VRK2: variants seen among roughly 807,000 people sequenced by gnomAD.
VRK2 encodes the protein VRK serine/threonine kinase 2.
In VRK2, 60 loss-of-function variants were observed where a neutral mutation model predicts 57.6. The ratio of observed to expected loss-of-function variants is 1.04; its 90% CI spans 0.85 to 1.29. The LOEUF (loss-of-function observed/expected upper bound fraction) is 1.29. Ranked by LOEUF, VRK2 falls within the 50% of genes most tolerant of loss-of-function variation. VRK2 has a pLI of 0.00. For synonymous variants in VRK2, 231 were observed against 199.2 expected (o/e 1.16, Z -1.35); for missense variants, 705 against 588.1 (o/e 1.20, Z -2.06).
At position 58,057,873 on chromosome 2, in the gene VRK2, C is replaced by A. The variant is rs149451116; in HGVS notation, c.136+8906C>A. Among the ~76,000 whole-genome samples the A allele has an allele frequency of 6.1e-4, 93 of 151,928 alleles. 1 individual carries two copies. The East Asian group carries it at 0.017, about 28-fold the overall frequency. ...TTTTTTTGTATCAGGCAGACAATGT[C>A]TTCAAAGAGACAGCAGTGCTGCAAA... On this transcript the variant is annotated intron_variant, in intron 2 of 12. Transcript: ENST00000340157.
intron 1 of VRK2, among the ~76,000 whole-genome samples, chr2:57,999,019 G>A (rs944299704): frequency 3.0e-4 from 45 of 151,300 alleles, no homozygotes; most frequent in Non-Finnish European, 2.5e-4. Flanking sequence ...TAATAAATAT[G>A]AAAAAATTTA....
chr2:57,994,461 A>G (rs979045530), intron 1 of VRK2, among the ~76,000 whole-genome samples: 2 of 152,222 alleles, frequency 1.3e-5, no homozygotes, highest in Non-Finnish European at 2.9e-5. Flanking sequence ...ACACAGTTCA[A>G]AGGAATAAAA....
At chr2:58,118,438 G>A (rs1175221716) in intron 7 of VRK2, among the ~76,000 whole-genome samples, 1 of 152,182 alleles carries the variant, frequency 6.6e-6, no homozygotes, top group East Asian at 1.9e-4. Flanking sequence ...GAAAATGAAA[G>A]GAATTGAAAT....
chr2:58,095,316 T>C (rs1054021884), intron 7 of VRK2, among the ~76,000 whole-genome samples: 2 of 149,146 alleles, frequency 1.3e-5, no homozygotes, highest in African/African-American at 5.1e-5. Context: ...AAAAAAATAC[T>C]TGTTGGCATT....
chr2:58,117,386 G>A (rs892377567), intron 7 of VRK2, among the ~76,000 whole-genome samples: 3 of 152,144 alleles, frequency 2.0e-5, no homozygotes, highest in African/African-American at 7.2e-5. Context: ...GTGAGGAGGG[G>A]AGGCGATAAA....
chr2:58,049,992 A>C (rs182517371), intron 2 of VRK2, among the ~76,000 whole-genome samples: 77 of 152,346 alleles, frequency 5.1e-4, no homozygotes, highest in African/African-American at 1.7e-3. Context: ...TGTATGAGTC[A>C]AGTAAAGGAC....
At chr2:58,006,384 T>C (rs558316861) in intron 1 of VRK2, among the ~76,000 whole-genome samples, 1 of 152,156 alleles carries the variant, frequency 6.6e-6, no homozygotes, top group Non-Finnish European at 1.5e-5. Context: ...TTGGTTTGAC[T>C]TAGTGGAAAG....
At chr2:57,958,571 AAAT>A (rs1485950851) in intron 1 of VRK2, among the ~76,000 whole-genome samples, 8 of 151,932 alleles carry the variant, frequency 5.3e-5, no homozygotes, top group Admixed American at 2.0e-4. Flanking sequence ...CTATTATTAA[AAAT>A]AATAACCGAT....
At chr2:57,929,225 C>T (rs1670639788) in intron 1 of VRK2, among the ~76,000 whole-genome samples, 1 of 152,202 alleles carries the variant, frequency 6.6e-6, no homozygotes, top group African/African-American at 2.4e-5. Context: ...CAGGAATATA[C>T]CTGGTGCCTT....
chr2:57,995,551 T>C (rs187998147), intron 1 of VRK2, among the ~76,000 whole-genome samples: 247 of 152,332 alleles, frequency 1.6e-3, no homozygotes, highest in Admixed American at 2.9e-3. Flanking sequence ...CAGTCATTCT[T>C]TCAAATAAAA....
rs1030296171 is a variant in VRK2 at position 58,046,873 on chromosome 2, G to T, written c.-6+5G>T. On this transcript the variant is annotated splice_donor_5th_base_variant and intron_variant, in intron 1 of 12. Transcript: ENST00000340157. ...GACGGGGGATCCTGAGGCCCGGTCA[G>T]TCTCTTGCTCTGGGGTCTTGGGTGG... The T allele has an allele frequency of 3.0e-6, 3 of 985,332 alleles. No homozygotes were observed. The highest frequency in any genetic ancestry group is 3.5e-5 in the African/African-American group (2 of 57,238). The allele number at this position is 985,332 out of a possible 1,614,324, so 61.0% of individuals were successfully genotyped here.
At chr2:57,922,489 A>G (rs1347327723) in intron 1 of VRK2, among the ~76,000 whole-genome samples, 12 of 116,878 alleles carry the variant, frequency 1.0e-4, no homozygotes, top group South Asian at 2.7e-4. Flanking sequence ...TGTGTGTGTG[A>G]TGAGAATATT....
chr2:58,051,412 T>C (rs1401090852), intron 2 of VRK2, among the ~76,000 whole-genome samples: 2 of 152,234 alleles, frequency 1.3e-5, no homozygotes, highest in East Asian at 1.9e-4. Flanking sequence ...TAATGAATCA[T>C]AGAATCAGTT....
rs143469526 is a variant in VRK2 at position 57,984,349 on chromosome 2, A to C, written c.-438-41316A>C. Among the ~76,000 whole-genome samples the C allele has an allele frequency of 3.5e-4, 53 of 152,200 alleles. No homozygotes were observed. The East Asian group carries it at 5.6e-3, about 16-fold the overall frequency. ...TATCACTGAAAATGAGAGGAAAAAA[A>C]CCCTCTTAGCAAAGTGTTTTAAGTA... On this transcript the variant is annotated intron_variant, in intron 1 of 15. Transcript: ENST00000417641.
rs76037865 is a variant in VRK2 at position 57,973,269 on chromosome 2, T to C, written c.-438-52396T>C. ...ATTGGCGTTTCTCTTACGGATAAATTTGAACATATTTTCCTATTTTTAAGG... is the reference window on the plus strand; with the variant it reads ...ATTGGCGTTTCTCTTACGGATAAATCTGAACATATTTTCCTATTTTTAAGG... On this transcript the variant is annotated intron_variant, in intron 1 of 15. Transcript: ENST00000417641. Among the ~76,000 whole-genome samples, 815 of 151,966 alleles carry C rather than the reference T, an allele frequency of 5.4e-3. 9 individuals carry two copies. Among genetic ancestry groups the C allele is most frequent in the African/African-American group, 0.019 (773 of 41,538 alleles).
At chr2:58,052,755 A>G (rs954429130) in intron 2 of VRK2, among the ~76,000 whole-genome samples, 1 of 152,158 alleles carries the variant, frequency 6.6e-6, no homozygotes, top group Non-Finnish European at 1.5e-5. Context: ...TCAGCATAAG[A>G]CTTTATGACA....
intron 7 of VRK2, among the ~76,000 whole-genome samples, chr2:58,115,258 C>T (rs930333165): frequency 2.0e-5 from 3 of 151,974 alleles, no homozygotes; most frequent in Non-Finnish European, 4.4e-5. Flanking sequence ...CAGAGAGATA[C>T]AGTCATGGGG....
At chr2:58,136,696 T>G (rs1573327897) in intron 10 of VRK2, among the ~76,000 whole-genome samples, 1 of 150,940 alleles carries the variant, frequency 6.6e-6, no homozygotes, top group Non-Finnish European at 1.5e-5. Context: ...TTATTGGCAC[T>G]TTTACCAAGT....
chr2:58,147,842 A>G (rs1485545748), intron 12 of VRK2, among the ~76,000 whole-genome samples: 1 of 134,668 alleles, frequency 7.4e-6, no homozygotes, highest in Non-Finnish European at 1.6e-5. Context: ...TCATGCATGT[A>G]TTAGTAATTT....
Sources: allele counts gnomAD v4.1 joint callset (sites outside exome capture counted in the v4.1 genomes callset), GRCh38; gene constraint gnomAD v4.1.1; transcripts MANE v1.5; gene names NCBI Gene and HGNC (gene_info 2026-07-23, HGNC 2026-07-21).